FCHSD2: variants seen among roughly 807,000 people sequenced by gnomAD.
The protein encoded by FCHSD2 is F-BAR and double SH3 domains protein 2.
FCHSD2 carries 38 observed loss-of-function variants against 108.1 expected under a neutral mutation model. The ratio of observed to expected loss-of-function variants is 0.35; its 90% CI spans 0.27 to 0.46. The LOEUF is 0.46. FCHSD2 is among the 20% of genes least tolerant of loss of function. The pLI is 1.00. For missense variants in FCHSD2, 751 were observed against 897.8 expected, an observed-to-expected ratio of 0.84 and a Z score of 2.09; for synonymous variants, 279 against 314.7, an observed-to-expected ratio of 0.89 and a Z score of 1.20.
At chr11:73,084,448 C>T (rs1859768337) in intron 2 of FCHSD2, among the ~76,000 whole-genome samples, 1 of 152,078 alleles carries the variant, frequency 6.6e-6, no homozygotes, top group Admixed American at 6.6e-5. Flanking sequence ...TTGAGTGCGG[C>T]GGTGAGGTCC....
chr11:72,852,765 T>C (rs977962949), intron 13 of FCHSD2, among the ~76,000 whole-genome samples: 6 of 151,780 alleles, frequency 4.0e-5, no homozygotes, highest in South Asian at 2.1e-4. Context: ...CAATGACAAG[T>C]TGAATAAAGA....
In FCHSD2 at chr11:73,083,155, T is replaced by C. The variant is rs1859736076; in HGVS notation, c.165+540A>G. On this transcript the variant is annotated intron_variant, in intron 3 of 19. Transcript: ENST00000409418. ...TAAAAAGTATTATTATTCATACTTG[T>C]AAATACTTTACAAATATAGTAAATA... 2.0e-5 allele frequency among the ~76,000 whole-genome samples: 3 copies of C among 152,206 alleles called. No individual in the cohort carries two copies. The South Asian group carries it at 6.2e-4, about 32-fold the overall frequency.
chr11:72,863,180 T>C (rs968516826), intron 13 of FCHSD2, among the ~76,000 whole-genome samples: 3 of 151,860 alleles, frequency 2.0e-5, no homozygotes, highest in Non-Finnish European at 4.4e-5. Context: ...ATCCTCCCAC[T>C]CAGCCCAATG....
At chr11:72,997,514 C>G (rs902832014) in intron 5 of FCHSD2, among the ~76,000 whole-genome samples, 1 of 151,918 alleles carries the variant, frequency 6.6e-6, no homozygotes, top group Non-Finnish European at 1.5e-5. Flanking sequence ...CAAGAAAAAC[C>G]GCAGGCGGTT....
chr11:72,928,119 T>C (rs1856114252), intron 8 of FCHSD2, among the ~76,000 whole-genome samples: 1 of 152,050 alleles, frequency 6.6e-6, no homozygotes, highest in African/African-American at 2.4e-5. Flanking sequence ...CACATATTGA[T>C]AATGGTTAAA....
chr11:73,011,052 A>G (rs1251473773), intron 4 of FCHSD2, among the ~76,000 whole-genome samples: 1 of 152,092 alleles, frequency 6.6e-6, no homozygotes, highest in Non-Finnish European at 1.5e-5. Context: ...TTGTAGTGGC[A>G]GGGGTGGGTA....
At position 73,119,270 on chromosome 11, in the gene FCHSD2, T is replaced by A. The variant is rs552782931; in HGVS notation, c.119+20761A>T. ...GTGAGCCAAGATCATGCCATTGCAT[T>A]CCAGCCTGCACAACAGAGCGAGACT... On this transcript the variant is annotated intron_variant, in intron 2 of 19. Coordinates refer to ENST00000409418, the MANE Select transcript of FCHSD2 (RefSeq NM_014824.3). Among the ~76,000 whole-genome samples the A allele has an allele frequency of 3.3e-5, 5 of 150,506 alleles. No individual in the cohort carries two copies. The South Asian group carries it at 1.1e-3, about 32-fold the overall frequency.
chr11:72,984,227 G>A lies in FCHSD2; in HGVS notation c.577-11C>T, dbSNP rs749830217. The A allele has an allele frequency of 1.2e-6, 2 of 1,613,246 alleles. No individual in the cohort carries two copies. Among genetic ancestry groups the A allele is most frequent in the East Asian group, 2.2e-5 (1 of 44,864 alleles). Reference sequence around the variant, plus strand: ...TCGCCGGGCTTTTAACTAAAACATAGCAAAATAAAATAATCAGTGCAAACT... The same window carrying A: ...TCGCCGGGCTTTTAACTAAAACATAACAAAATAAAATAATCAGTGCAAACT... On this transcript the variant is annotated splice_polypyrimidine_tract_variant and intron_variant, in intron 7 of 19. Transcript: ENST00000409418.
At chr11:72,973,542 C>G (rs1591447811) in intron 8 of FCHSD2, among the ~76,000 whole-genome samples, 1 of 152,178 alleles carries the variant, frequency 6.6e-6, no homozygotes, top group Non-Finnish European at 1.5e-5. Context: ...TATCACAGGG[C>G]ATGATACTAT....
Position 72,868,096 on chromosome 11 carries a change from C to T in FCHSD2, c.1147-70G>A, listed in dbSNP as rs1591356062. ...CACAATAGCAAAGATAAGGAATCAA[C>T]CCAAATGCCCATCAATGATCGACTG... On this transcript the variant is annotated intron_variant, in intron 12 of 19. Transcript: ENST00000409418. 4.3e-6 allele frequency: 6 copies of T among 1,388,972 alleles called. No individual in the cohort carries two copies. The East Asian group carries it at 1.2e-4, about 29-fold the overall frequency. 86.0% of individuals were successfully genotyped at this position (1,388,972 alleles called of 1,614,324 possible).
At chr11:72,976,886 GA>G (rs1179282567) in intron 8 of FCHSD2, among the ~76,000 whole-genome samples, 5 of 151,238 alleles carry the variant, frequency 3.3e-5, no homozygotes, top group African/African-American at 1.2e-4. Flanking sequence ...AATCAAATCA[GA>G]ATGAATTAAA....
At chr11:73,054,780 A>AT in intron 3 of FCHSD2, among the ~76,000 whole-genome samples, 1 of 152,128 alleles carries the variant, frequency 6.6e-6, no homozygotes, top group African/African-American at 2.4e-5. Flanking sequence ...GTCTTAAGTG[A>AT]TCCCCCCCAC....
At chr11:72,944,950 AAT>A (rs1445365403) in intron 8 of FCHSD2, among the ~76,000 whole-genome samples, 5 of 152,208 alleles carry the variant, frequency 3.3e-5, no homozygotes, top group African/African-American at 1.2e-4. Flanking sequence ...AGGAAGAATC[AAT>A]ATCGTGAAAA....
intron 4 of FCHSD2, among the ~76,000 whole-genome samples, chr11:73,006,076 T>G (rs1385166086): frequency 6.6e-6 from 1 of 151,920 alleles, no homozygotes; most frequent in Non-Finnish European, 1.5e-5. Flanking sequence ...TGTGGCTATT[T>G]TTTTTTTTAA....
At chr11:72,934,030 G>A (rs1234454519) in intron 8 of FCHSD2, among the ~76,000 whole-genome samples, 1 of 144,456 alleles carries the variant, frequency 6.9e-6, no homozygotes, top group Non-Finnish European at 1.5e-5. Context: ...GGCTGCCTGA[G>A]CCTGGGAGGT....
chr11:72,979,608 G>T (rs1429326561), intron 8 of FCHSD2, among the ~76,000 whole-genome samples: 1 of 152,160 alleles, frequency 6.6e-6, no homozygotes, highest in Non-Finnish European at 1.5e-5. Context: ...ATGTTTCAAT[G>T]AAAGAGTTTT....
At chr11:72,950,903 C>T (rs1013067467) in intron 8 of FCHSD2, among the ~76,000 whole-genome samples, 22 of 152,194 alleles carry the variant, frequency 1.4e-4, no homozygotes, top group African/African-American at 5.3e-4. Context: ...AGATTGACCA[C>T]GTGACTAATT....
chr11:72,962,485 T>C (rs1414223812), intron 8 of FCHSD2, among the ~76,000 whole-genome samples: 2 of 152,222 alleles, frequency 1.3e-5, no homozygotes, highest in Non-Finnish European at 2.9e-5. Flanking sequence ...GTATAAGCGA[T>C]TGATATTCAC....
intron 3 of FCHSD2, among the ~76,000 whole-genome samples, chr11:73,017,131 T>C (rs755427829): frequency 7.9e-5 from 12 of 152,140 alleles, no homozygotes; most frequent in Non-Finnish European, 1.6e-4. Flanking sequence ...TACAGGCACA[T>C]GCCACTGAGC....
Sources: allele counts gnomAD v4.1 joint callset (sites outside exome capture counted in the v4.1 genomes callset), GRCh38; gene constraint gnomAD v4.1.1; transcripts MANE v1.5; gene names NCBI Gene and HGNC (gene_info 2026-07-23, HGNC 2026-07-21).